The following UGT1A10 variants were observed in gnomAD, a reference collection of about 807,000 sequenced individuals.
UGT1A10 encodes the protein UDP glucuronosyltransferase family 1 member A10, also known as UDP-glucuronosyltransferase 1A10.
Under a neutral mutation model 45.8 loss-of-function variants are expected in UGT1A10, and 49 were observed. That is an observed-to-expected ratio of 1.07 (90% CI 0.85 to 1.36). The LOEUF is 1.36. UGT1A10 is among the 40% of genes most tolerant of loss of function. The probability of loss-of-function intolerance (pLI) is 0.00; values close to 1 mark genes in which losing one functional copy is unlikely to be tolerated. For synonymous variants in UGT1A10, 284 were observed against 249.7 expected, an observed-to-expected ratio of 1.14 and a Z score of -1.29; for missense variants, 745 against 668.6, an observed-to-expected ratio of 1.11 and a Z score of -1.26.
chr2:233,642,496 G>A (rs1482233348), intron 1 of UGT1A10, among the ~76,000 whole-genome samples: 1 of 152,190 alleles, frequency 6.6e-6, no homozygotes, highest in African/African-American at 2.4e-5. Context: ...GCTTATATCT[G>A]TTTCTCCAGC....
intron 1 of UGT1A10, among the ~76,000 whole-genome samples, chr2:233,759,575 A>G (rs1346908637): frequency 6.6e-6 from 1 of 151,414 alleles, no homozygotes; most frequent in Admixed American, 6.6e-5. Context: ...GTCATTCTCT[A>G]CCCCAGCACG....
chr2:233,693,033 G>A lies in UGT1A10; in HGVS notation c.855+55656G>A, dbSNP rs377223787. ...GCCTGCCTCCTTCGCTCATTTCAGA[G>A]AATTTCTGCAGGGGTTTTCTTCTTA... On this transcript the variant is annotated intron_variant, in intron 1 of 4. Transcript: ENST00000344644. The A allele has an allele frequency of 1.8e-4, 295 of 1,614,054 alleles. No homozygotes were observed. Among genetic ancestry groups the A allele is most frequent in the Non-Finnish European group, 2.4e-4 (283 of 1,180,042 alleles).
At chr2:233,766,403 C>G (rs889722071) in intron 1 of UGT1A10, among the ~76,000 whole-genome samples, 2 of 152,178 alleles carry the variant, frequency 1.3e-5, no homozygotes, top group Non-Finnish European at 2.9e-5. Context: ...TGCGTCCCTC[C>G]GCTGATGTGC....
intron 1 of UGT1A10, chr2:233,713,987 A>C: frequency 6.3e-7 from 1 of 1,580,416 alleles, no homozygotes; most frequent in Non-Finnish European, 8.6e-7. Flanking sequence ...CATTGTTGTA[A>C]TAGTCTTCAG....
In UGT1A10 at chr2:233,743,171, T is replaced by G. The variant is rs182109098; in HGVS notation, c.856-23863T>G. The G allele has an allele frequency of 7.8e-4, 286 of 364,898 alleles. 2 individuals are homozygous for G. Among genetic ancestry groups the G allele is most frequent in the East Asian group, 3.6e-3 (49 of 13,664 alleles). 22.6% of individuals were successfully genotyped at this position (364,898 alleles called of 1,614,324 possible). A position where few individuals can be genotyped will look rare whatever the true frequency, so the allele number is the denominator to read the frequency against. ...GCTATTCCTCCAGATGTGCTTAAAG[T>G]CAAATGTGGACTGGAATTACTTGGT... On this transcript the variant is annotated intron_variant, in intron 1 of 4. Coordinates refer to ENST00000344644, the MANE Select transcript of UGT1A10 (RefSeq NM_019075.4).
In UGT1A10 at chr2:233,754,904, A is replaced by C. The variant is rs113535606; in HGVS notation, c.856-12130A>C. On this transcript the variant is annotated intron_variant, in intron 1 of 4. Coordinates refer to ENST00000344644, the MANE Select transcript of UGT1A10 (RefSeq NM_019075.4). ...CCAGGGAGTTCCTCTGACCCCCCAA[A>C]ATATTCTCCAGCGGGTTTCCCAAGA... 1.2e-5 allele frequency: 16 copies of C among 1,351,372 alleles called. No homozygotes were observed. In the African/African-American group the frequency reaches 1.3e-4, roughly 11 times the overall value. The allele number at this position is 1,351,372 out of a possible 1,614,324, so 83.7% of individuals were successfully genotyped here. A position where few individuals can be genotyped will look rare whatever the true frequency, so the allele number is the denominator to read the frequency against.
At chr2:233,690,604 G>A (rs756529632) in intron 1 of UGT1A10, 73 of 1,288,948 alleles carry the variant, frequency 5.7e-5, no homozygotes, top group Non-Finnish European at 6.8e-5. Flanking sequence ...AAAAAAATCG[G>A]CCTTTGCCTG....
rs1187391866 is a variant in UGT1A10 at position 233,724,541 on chromosome 2, C to T, written c.856-42493C>T. Among the ~76,000 whole-genome samples the T allele has an allele frequency of 2.0e-4, 24 of 122,440 alleles. 1 individual carries two copies. Among genetic ancestry groups the T allele is most frequent in the Admixed American group, 1.0e-3 (13 of 12,646 alleles). 80.3% of individuals were successfully genotyped at this position (122,440 alleles called of 152,430 possible). On this transcript the variant is annotated intron_variant, in intron 1 of 4. Transcript: ENST00000344644. ...CAGATGGGGTCTCGCCGGGCAGAGG[C>T]GCTCCTCACATCCCAGATGGGGCGG... is the stretch of plus-strand genomic sequence containing the variant.
intron 1 of UGT1A10, chr2:233,671,878 C>A: frequency 6.5e-7 from 1 of 1,536,452 alleles, no homozygotes; most frequent in Non-Finnish European, 8.7e-7. Flanking sequence ...TTTCTCCCAC[C>A]TACTGTATCA....
intron 1 of UGT1A10, among the ~76,000 whole-genome samples, chr2:233,709,910 C>T (rs1575491918): frequency 6.6e-6 from 1 of 152,188 alleles, no homozygotes; most frequent in Non-Finnish European, 1.5e-5. Context: ...TCACCTAATA[C>T]CTCCCCTCAC....
At chr2:233,694,448 G>A (rs559666180) in intron 1 of UGT1A10, among the ~76,000 whole-genome samples, 2 of 152,240 alleles carry the variant, frequency 1.3e-5, no homozygotes, top group Admixed American at 1.3e-4. Context: ...TTACTGACTG[G>A]CCTTTTCAGC....
intron 1 of UGT1A10, chr2:233,671,799 A>G: frequency 7.2e-7 from 1 of 1,396,000 alleles, no homozygotes; most frequent in South Asian, 1.7e-5. Flanking sequence ...AATCATTGTC[A>G]GTGACTGATT....
chr2:233,761,251 A>C, intron 1 of UGT1A10: 1 of 1,608,190 alleles, frequency 6.2e-7, no homozygotes. Flanking sequence ...AAGCATTCTG[A>C]GATAATTTAA....
At chr2:233,650,217 G>T (rs1432386602) in intron 1 of UGT1A10, among the ~76,000 whole-genome samples, 1 of 152,120 alleles carries the variant, frequency 6.6e-6, no homozygotes, top group Non-Finnish European at 1.5e-5. Flanking sequence ...TGATCTGCCT[G>T]CCTCGGCCTC....
Position 233,648,838 on chromosome 2 carries a change from T to C in UGT1A10, c.855+11461T>C. 4 of 1,132,482 alleles carry C rather than the reference T, an allele frequency of 3.5e-6. No individual in the cohort carries two copies. In the South Asian group the frequency reaches 4.9e-5, roughly 14 times the overall value. 70.2% of individuals were successfully genotyped at this position (1,132,482 alleles called of 1,614,324 possible). On this transcript the variant is annotated intron_variant, in intron 1 of 4. Transcript: ENST00000344644. Reference sequence around the variant, plus strand: ...AGAGGAGCATTTATTTTGCCCATATTTTTTCAAAAATGCCTTAAACATAGC... The same window carrying C: ...AGAGGAGCATTTATTTTGCCCATATCTTTTCAAAAATGCCTTAAACATAGC...
At chr2:233,719,297 G>A (rs45467894) in intron 1 of UGT1A10, 296 of 1,613,968 alleles carry the variant, frequency 1.8e-4, no homozygotes, top group African/African-American at 1.8e-3. Context: ...TCTGTGGGGC[G>A]GTGCTGGCTA....
rs568201531 is a variant in UGT1A10 at position 233,640,391 on chromosome 2, T to G, written c.855+3014T>G. On this transcript the variant is annotated intron_variant, in intron 1 of 4. Coordinates refer to ENST00000344644, the MANE Select transcript of UGT1A10 (RefSeq NM_019075.4). ...TGTCATTCCATCATTGAATATTTTA[T>G]TAAATATAAAAAATAAGTAAAATTT... Among the ~76,000 whole-genome samples the G allele has an allele frequency of 7.2e-5, 11 of 152,250 alleles. 1 individual carries two copies. Among genetic ancestry groups the G allele is most frequent in the South Asian group, 2.1e-4 (1 of 4,814 alleles).
At chr2:233,660,739 G>A (rs866319992) in intron 1 of UGT1A10, among the ~76,000 whole-genome samples, 18 of 152,192 alleles carry the variant, frequency 1.2e-4, no homozygotes, top group Admixed American at 2.0e-4. Flanking sequence ...TGTCTTTTGT[G>A]GCATTTTTTT....
chr2:233,664,970 G>T (rs1440702939), intron 1 of UGT1A10, among the ~76,000 whole-genome samples: 1 of 152,184 alleles, frequency 6.6e-6, no homozygotes, highest in African/African-American at 2.4e-5. Flanking sequence ...AAAAACCACA[G>T]TGAGAAATGA....
Sources: gnomAD v4.1 joint callset for allele counts (sites outside exome capture counted in the v4.1 genomes callset) on GRCh38, gnomAD v4.1.1 for gene constraint, MANE v1.5 for transcripts, NCBI Gene and HGNC (gene_info 2026-07-23, HGNC 2026-07-21) for gene names.